The following NLGN1 variants were observed in gnomAD, a reference collection of about 807,000 sequenced individuals.
NLGN1 encodes the protein neuroligin 1, also known as neuroligin-1.
A neutral mutation model predicts 65.5 loss-of-function variants in NLGN1; 12 were observed. That is an observed-to-expected ratio of 0.18 (90% CI 0.12 to 0.30). NLGN1 has a LOEUF of 0.30. Among genes scored for constraint, NLGN1 ranks in the 10% least tolerant of loss-of-function variants. The pLI is 1.00. For missense variants in NLGN1, 750 were observed against 1,007.1 expected, an observed-to-expected ratio of 0.74 and a Z score of 3.46; for synonymous variants, 350 against 359.5, an observed-to-expected ratio of 0.97 and a Z score of 0.30.
chr3:173,737,089 A>T (rs537046787), intron 3 of NLGN1, among the ~76,000 whole-genome samples: 4 of 152,154 alleles, frequency 2.6e-5, no homozygotes, highest in African/African-American at 9.6e-5. Flanking sequence ...GATAAATGCA[A>T]AAGCAAAAAT....
At chr3:173,478,715 G>A (rs1726709310) in intron 2 of NLGN1, among the ~76,000 whole-genome samples, 1 of 151,972 alleles carries the variant, frequency 6.6e-6, no homozygotes, top group Admixed American at 6.6e-5. Context: ...GAGGCCAGGA[G>A]TTCGAGACCA....
At chr3:174,133,137 A>G (rs1252596961) in intron 4 of NLGN1, among the ~76,000 whole-genome samples, 1 of 152,198 alleles carries the variant, frequency 6.6e-6, no homozygotes, top group Non-Finnish European at 1.5e-5. Context: ...AAACACAAGG[A>G]TATTTGGCAC....
intron 4 of NLGN1, among the ~76,000 whole-genome samples, chr3:174,108,980 T>G (rs977758059): frequency 6.6e-6 from 1 of 152,070 alleles, no homozygotes; most frequent in Non-Finnish European, 1.5e-5. Flanking sequence ...ATAACAGGTT[T>G]TTTATAAATG....
intron 2 of NLGN1, among the ~76,000 whole-genome samples, chr3:173,589,691 T>C (rs1340721890): frequency 2.0e-5 from 3 of 152,204 alleles, no homozygotes; most frequent in East Asian, 3.8e-4. Context: ...TGTATACATA[T>C]GGTTCTCAAC....
At chr3:173,798,387 T>C (rs1360382420) in intron 3 of NLGN1, among the ~76,000 whole-genome samples, 1 of 152,066 alleles carries the variant, frequency 6.6e-6, no homozygotes, top group Non-Finnish European at 1.5e-5. Flanking sequence ...AGCTTGAAAA[T>C]ATAATTTTTG....
chr3:173,409,743 A>C (rs1712118233), intron 1 of NLGN1, among the ~76,000 whole-genome samples: 1 of 152,226 alleles, frequency 6.6e-6, no homozygotes, highest in African/African-American at 2.4e-5. Context: ...TCTAATATGA[A>C]TAAGTTTGTC....
chr3:174,039,357 C>CA (rs1731797681), intron 4 of NLGN1, among the ~76,000 whole-genome samples: 1 of 151,956 alleles, frequency 6.6e-6, no homozygotes, highest in African/African-American at 2.4e-5. Context: ...CTGCACCTCT[C>CA]AGTCCATCAT....
chr3:173,793,708 G>A (rs1329116984), intron 3 of NLGN1, among the ~76,000 whole-genome samples: 4 of 152,012 alleles, frequency 2.6e-5, no homozygotes, highest in Non-Finnish European at 5.9e-5. Flanking sequence ...GACCTCAGAG[G>A]CTCCTTTTTC....
At chr3:173,567,633 TTATC>T (rs1413002714) in intron 2 of NLGN1, among the ~76,000 whole-genome samples, 3 of 151,490 alleles carry the variant, frequency 2.0e-5, no homozygotes, top group Admixed American at 2.0e-4. Flanking sequence ...AAAATAATAT[TTATC>T]AAGTGTATTA....
chr3:174,222,235 T>C (rs1439422651), intron 4 of NLGN1, among the ~76,000 whole-genome samples: 1 of 152,204 alleles, frequency 6.6e-6, no homozygotes, highest in Non-Finnish European at 1.5e-5. Flanking sequence ...TATGGTATGT[T>C]AATTTATTCC....
In NLGN1 at chr3:174,205,802, G is replaced by A. The variant is rs187611525; in HGVS notation, c.647-69513G>A. On this transcript the variant is annotated intron_variant, in intron 4 of 6. Coordinates refer to ENST00000457714, the Ensembl canonical transcript of NLGN1. ...ATGTGTATCTTTTTTATTTTAATAT[G>A]TTTCCACAATATATACTAGAGAAAG... is the stretch of plus-strand genomic sequence containing the variant. Among the ~76,000 whole-genome samples, 370 of 152,178 alleles carry A rather than the reference G, an allele frequency of 2.4e-3. 2 individuals carry two copies. Among genetic ancestry groups the A allele is most frequent in the African/African-American group, 8.6e-3 (356 of 41,522 alleles).
At chr3:173,669,263 G>A (rs1762136437) in intron 3 of NLGN1, among the ~76,000 whole-genome samples, 1 of 152,082 alleles carries the variant, frequency 6.6e-6, no homozygotes, top group African/African-American at 2.4e-5. Flanking sequence ...GTTTTATATT[G>A]TTTCTATTAG....
chr3:173,668,392 G>A (rs780876813), intron 3 of NLGN1, among the ~76,000 whole-genome samples: 14 of 152,050 alleles, frequency 9.2e-5, no homozygotes, highest in Non-Finnish European at 1.6e-4. Context: ...GTAATATAGT[G>A]GTGTAGAGGC....
intron 3 of NLGN1, among the ~76,000 whole-genome samples, chr3:173,672,146 C>G (rs1762534458): frequency 6.6e-6 from 1 of 152,058 alleles, no homozygotes; most frequent in African/African-American, 2.4e-5. Context: ...TGCACTCCAG[C>G]CTGGGCGACA....
At chr3:173,431,361 C>T (rs764482059) in intron 1 of NLGN1, among the ~76,000 whole-genome samples, 4 of 151,868 alleles carry the variant, frequency 2.6e-5, no homozygotes, top group Non-Finnish European at 5.9e-5. Context: ...TAGTTTGGGG[C>T]AAATATGGAG....
At chr3:173,734,920 T>C (rs543195421) in intron 3 of NLGN1, among the ~76,000 whole-genome samples, 1 of 152,226 alleles carries the variant, frequency 6.6e-6, no homozygotes, top group South Asian at 2.1e-4. Flanking sequence ...ATGGATCTTT[T>C]CTTAGATTAT....
chr3:174,260,412 G>C (rs1041768827), intron 4 of NLGN1, among the ~76,000 whole-genome samples: 1 of 151,316 alleles, frequency 6.6e-6, no homozygotes, highest in Non-Finnish European at 1.5e-5. Flanking sequence ...TTGTGGTTTT[G>C]ATTTGCATTT....
At chr3:174,214,073 T>C (rs941971822) in intron 4 of NLGN1, among the ~76,000 whole-genome samples, 1 of 152,180 alleles carries the variant, frequency 6.6e-6, no homozygotes, top group African/African-American at 2.4e-5. Context: ...GGGGTTTTTT[T>C]GATGTTACTC....
chr3:174,209,615 C>CTTTT (rs1736056670), intron 4 of NLGN1, among the ~76,000 whole-genome samples: 1 of 131,510 alleles, frequency 7.6e-6, no homozygotes, highest in African/African-American at 3.2e-5. Context: ...GTCTATCAAC[C>CTTTT]TTTCTTTCTT....
Sources: gnomAD v4.1 joint callset for allele counts (sites outside exome capture counted in the v4.1 genomes callset) on GRCh38, gnomAD v4.1.1 for gene constraint, MANE v1.5 for transcripts, NCBI Gene and HGNC (gene_info 2026-07-23, HGNC 2026-07-21) for gene names.